ADGRL2: variants seen among roughly 807,000 people sequenced by gnomAD.
ADGRL2 encodes the protein calcium-independent alpha-latrotoxin receptor 2.
In ADGRL2, 44 loss-of-function variants were observed where a neutral mutation model predicts 157.4. The ratio of observed to expected loss-of-function variants is 0.28; its 90% CI spans 0.22 to 0.36. The LOEUF (loss-of-function observed/expected upper bound fraction) is 0.36. Ranked by LOEUF, ADGRL2 falls within the 10% of genes least tolerant of loss-of-function variation. The pLI, the probability that ADGRL2 is intolerant of heterozygous loss-of-function variation, is 1.00. For missense variants in ADGRL2, 1,510 were observed against 1,768.9 expected (o/e 0.85, Z 2.63); for synonymous variants, 585 against 624.7 (o/e 0.94, Z 0.95).
At chr1:81,672,066 C>A (rs1025229843) in intron 3 of ADGRL2, among the ~76,000 whole-genome samples, 6 of 152,220 alleles carry the variant, frequency 3.9e-5, no homozygotes, top group Non-Finnish European at 2.9e-5. Context: ...ATGTCCCAGA[C>A]AACAGCCTTT....
intron 3 of ADGRL2, among the ~76,000 whole-genome samples, chr1:81,678,692 T>G (rs1323095622): frequency 1.3e-5 from 2 of 152,222 alleles, no homozygotes; most frequent in Non-Finnish European, 2.9e-5. Context: ...GAGTTCGCAT[T>G]AAGCATGCTC....
Position 81,986,910 on chromosome 1 carries a change from G to T in ADGRL2, c.3518G>T (p.Gly1173Val). The T allele has an allele frequency of 6.2e-7, 1 of 1,606,550 alleles. No homozygotes were observed. Among genetic ancestry groups the T allele is most frequent in the South Asian group, 1.1e-5 (1 of 89,554 alleles). Residue 1173 changes from glycine to valine, a missense_variant, in exon 22 of 24, where the codon GGC becomes GTC. Coordinates refer to ENST00000686636, the MANE Select transcript of ADGRL2 (RefSeq NM_001366006.2). ...STSTLNQGMT[G>V]NYLLTNPLLR... is the part of the protein sequence containing the mutation. ...TTTTTTTTTACTTTAGGAATGACTG[G>T]CAATTACCTACTAACAAACCCTCTT... is the stretch of plus-strand genomic sequence containing the variant.
rs886194820 is a variant in ADGRL2, at chr1:81,451,819, A to C, written c.-248+6730A>C. Among the ~76,000 whole-genome samples, 4 of 152,208 alleles carry C rather than the reference A, an allele frequency of 2.6e-5. No individual in the cohort carries two copies. The South Asian group carries it at 8.3e-4, about 32-fold the overall frequency. On this transcript the variant is annotated intron_variant, in intron 2 of 24. Coordinates refer to the ADGRL2 transcript ENST00000370721. ...CGTTAATTTTTTGTTAATTAAAACCACTCTATTTTATCTCATAAAAGTTAG... is the reference window on the plus strand; with the variant it reads ...CGTTAATTTTTTGTTAATTAAAACCCCTCTATTTTATCTCATAAAAGTTAG...
At chr1:81,843,426 C>T (rs1007839975) in intron 2 of ADGRL2, among the ~76,000 whole-genome samples, 3 of 151,964 alleles carry the variant, frequency 2.0e-5, no homozygotes, top group East Asian at 1.9e-4. Context: ...CCACTGTGCC[C>T]GGCCAAAAAA....
At chr1:81,723,668 A>G (rs1047594671) in intron 1 of ADGRL2, among the ~76,000 whole-genome samples, 2 of 152,204 alleles carry the variant, frequency 1.3e-5, no homozygotes, top group African/African-American at 4.8e-5. Context: ...TTTTCTTTAA[A>G]TATTTATTTC....
At chr1:81,460,150 T>G (rs1299306939) in intron 2 of ADGRL2, among the ~76,000 whole-genome samples, 1 of 152,142 alleles carries the variant, frequency 6.6e-6, no homozygotes, top group Admixed American at 6.6e-5. Flanking sequence ...TTAGGTTGCT[T>G]TTTCACTCTG....
intron 3 of ADGRL2, among the ~76,000 whole-genome samples, chr1:81,587,694 G>A (rs1294179491): frequency 6.6e-6 from 1 of 152,106 alleles, no homozygotes; most frequent in Admixed American, 6.6e-5. Context: ...AACATGATAA[G>A]AATCGTGCTT....
At chr1:81,403,689 G>A (rs2076802785) in intron 1 of ADGRL2, among the ~76,000 whole-genome samples, 1 of 151,994 alleles carries the variant, frequency 6.6e-6, no homozygotes, top group Admixed American at 6.6e-5. Context: ...ATGCCAAAAT[G>A]CACATTTACA....
At chr1:81,580,423 T>C (rs1011304579) in intron 2 of ADGRL2, among the ~76,000 whole-genome samples, 2 of 151,936 alleles carry the variant, frequency 1.3e-5, no homozygotes, top group East Asian at 3.9e-4. Context: ...AACAGGGGTA[T>C]TGAAAAGTGA....
At chr1:81,364,600 A>C (rs1369082704) in intron 1 of ADGRL2, among the ~76,000 whole-genome samples, 2 of 152,194 alleles carry the variant, frequency 1.3e-5, no homozygotes, top group Non-Finnish European at 2.9e-5. Flanking sequence ...ATTAGCGAGA[A>C]CTGAAAAATT....
At chr1:81,640,266 C>G (rs769047064) in intron 3 of ADGRL2, among the ~76,000 whole-genome samples, 2 of 151,978 alleles carry the variant, frequency 1.3e-5, no homozygotes, top group Non-Finnish European at 2.9e-5. Context: ...GTCCTGATGC[C>G]CTAAATTTTG....
At chr1:81,965,244 A>G (rs1572404342) in intron 11 of ADGRL2, among the ~76,000 whole-genome samples, 1 of 152,322 alleles carries the variant, frequency 6.6e-6, no homozygotes, top group African/African-American at 2.4e-5. Context: ...TTTGCAAGCC[A>G]TGGTGGTCTC....
At chr1:81,792,236 T>G (rs1246110177) in intron 2 of ADGRL2, among the ~76,000 whole-genome samples, 1 of 152,206 alleles carries the variant, frequency 6.6e-6, no homozygotes, top group East Asian at 1.9e-4. Context: ...TAGAAAATCA[T>G]GTGCAACTTT....
At chr1:81,839,190 A>G (rs1365696457) in intron 2 of ADGRL2, among the ~76,000 whole-genome samples, 1 of 151,946 alleles carries the variant, frequency 6.6e-6, no homozygotes, top group African/African-American at 2.4e-5. Context: ...TTAACATCTT[A>G]CACAGTTTAG....
chr1:81,371,052 C>T (rs1051584027), intron 1 of ADGRL2, among the ~76,000 whole-genome samples: 1 of 152,074 alleles, frequency 6.6e-6, no homozygotes, highest in Non-Finnish European at 1.5e-5. Flanking sequence ...CCAAGTGAGG[C>T]AGACATTACT....
At chr1:81,903,822 C>T (rs959639756) in intron 2 of ADGRL2, among the ~76,000 whole-genome samples, 50 of 147,966 alleles carry the variant, frequency 3.4e-4, no homozygotes, top group South Asian at 8.5e-4. Context: ...TACACACACA[C>T]ACACACACAC....
chr1:81,407,230 G>A (rs1388405209), intron 1 of ADGRL2, among the ~76,000 whole-genome samples: 1 of 152,166 alleles, frequency 6.6e-6, no homozygotes, highest in Non-Finnish European at 1.5e-5. Context: ...ATTTCAGCAA[G>A]GATCTGGTTT....
rs369442820 is a variant in ADGRL2 at position 81,933,104 on chromosome 1, A to G, written c.288-3624A>G. Among the ~76,000 whole-genome samples the G allele has an allele frequency of 2.6e-5, 4 of 152,324 alleles. No homozygotes were observed. The East Asian group carries it at 7.7e-4, about 29-fold the overall frequency. ...TTTCACTATCTTAAGTCATCTGTTC[A>G]TCTTTATAAATATAAAATGAAATAA... On this transcript the variant is annotated intron_variant, in intron 3 of 23. Coordinates refer to ENST00000686636, the MANE Select transcript of ADGRL2 (RefSeq NM_001366006.2).
At chr1:81,448,112 CTTTTCT>C (rs1185753884) in intron 2 of ADGRL2, among the ~76,000 whole-genome samples, 3 of 141,516 alleles carry the variant, frequency 2.1e-5, no homozygotes, top group Non-Finnish European at 4.7e-5. Flanking sequence ...AATTAAACCT[CTTTTCT>C]TTTTCTTTTT....
Sources: allele counts gnomAD v4.1 joint callset (sites outside exome capture counted in the v4.1 genomes callset), GRCh38; gene constraint gnomAD v4.1.1; transcripts MANE v1.5; gene names NCBI Gene and HGNC (gene_info 2026-07-23, HGNC 2026-07-21).